The following ANKRD6 variants were observed in gnomAD, a reference collection of about 807,000 sequenced individuals.
ANKRD6 encodes ankyrin repeat domain 6, also known as ankyrin repeat domain-containing protein 6.
Under a neutral mutation model 82.3 loss-of-function variants are expected in ANKRD6, and 56 were observed. That is an observed-to-expected ratio of 0.68 (90% CI 0.55 to 0.85). The LOEUF (loss-of-function observed/expected upper bound fraction) is 0.85. Among genes scored for constraint, ANKRD6 ranks in the 40% least tolerant of loss-of-function variants. ANKRD6 has a pLI of 0.00. For synonymous variants in ANKRD6, 347 were observed against 352.1 expected, an observed-to-expected ratio of 0.99 and a Z score of 0.16; for missense variants, 852 against 907.6, an observed-to-expected ratio of 0.94 and a Z score of 0.79.
rs542476850 is a variant in ANKRD6, at chr6:89,605,898, T to C, written c.319-109T>C. 89 of 675,704 alleles carry C rather than the reference T, an allele frequency of 1.3e-4. No homozygotes were observed. The East Asian group carries it at 2.2e-3, about 17-fold the overall frequency. The allele number at this position is 675,704 out of a possible 1,614,324, so 41.9% of individuals were successfully genotyped here. On this transcript the variant is annotated intron_variant, in intron 4 of 15. Transcript: ENST00000339746. The stretch of plus-strand genomic sequence containing the variant: ...TGTGGCTCAGATGAGAAAGTCCAAT[T>C]GAGAAAGGCCGTCTGGTGTTCCGTA...
intron 1 of ANKRD6, among the ~76,000 whole-genome samples, chr6:89,532,706 T>C (rs530650110): frequency 6.6e-6 from 1 of 152,222 alleles, no homozygotes; most frequent in South Asian, 2.1e-4. Context: ...TTGATTTTTT[T>C]TTCTTTTTTT....
intron 9 of ANKRD6, among the ~76,000 whole-genome samples, chr6:89,620,747 G>A (rs1563111287): frequency 4.6e-5 from 7 of 152,036 alleles, no homozygotes; most frequent in African/African-American, 1.4e-4. Context: ...ACGACTCCCC[G>A]TTTTTCTTTC....
intron 1 of ANKRD6, among the ~76,000 whole-genome samples, chr6:89,508,280 T>C (rs1442476253): frequency 2.6e-5 from 4 of 152,184 alleles, no homozygotes; most frequent in Non-Finnish European, 5.9e-5. Flanking sequence ...TGTGCTTTGA[T>C]TGAGCCTGGA....
intron 2 of ANKRD6, among the ~76,000 whole-genome samples, chr6:89,572,709 G>A (rs542325450): frequency 6.6e-6 from 1 of 152,190 alleles, no homozygotes; most frequent in South Asian, 2.1e-4. Flanking sequence ...TGTAAGGTAA[G>A]GGTCCATCTT....
At chr6:89,461,725 C>T (rs149083383) in intron 1 of ANKRD6, among the ~76,000 whole-genome samples, 2 of 152,132 alleles carry the variant, frequency 1.3e-5, no homozygotes, top group Non-Finnish European at 2.9e-5. Flanking sequence ...GAACTTCATA[C>T]GGCTGCAGAA....
intron 1 of ANKRD6, among the ~76,000 whole-genome samples, chr6:89,443,392 A>G (rs1771669510): frequency 6.6e-6 from 1 of 152,180 alleles, no homozygotes; most frequent in Non-Finnish European, 1.5e-5. Context: ...TACTCCATAG[A>G]TTCTAATTCA....
At chr6:89,570,213 T>C (rs1789520394) in intron 2 of ANKRD6, among the ~76,000 whole-genome samples, 1 of 152,010 alleles carries the variant, frequency 6.6e-6, no homozygotes, top group South Asian at 2.1e-4. Context: ...CCTGTGTAGC[T>C]GGGACTACAG....
chr6:89,540,351 G>C (rs574406598), intron 1 of ANKRD6, among the ~76,000 whole-genome samples: 1 of 152,006 alleles, frequency 6.6e-6, no homozygotes, highest in Admixed American at 6.6e-5. Context: ...ATGATATCTC[G>C]TAGTTTTGGT....
rs1439962073 is a variant in ANKRD6 at position 89,631,767 on chromosome 6, C to T, written c.*763C>T. 2 of 152,136 alleles carry T rather than the reference C, an allele frequency of 1.3e-5. No individual in the cohort carries two copies. Among genetic ancestry groups the T allele is most frequent in the Non-Finnish European group, 2.9e-5 (2 of 68,034 alleles). 9.4% of individuals were successfully genotyped at this position (152,136 alleles called of 1,614,324 possible). On this transcript the variant is annotated 3_prime_UTR_variant, in exon 16 of 16. Transcript: ENST00000339746. ...TAAAGCAGATTAATGGAAAAAAATT[C>T]ATGTAACAATTACCTGAAAATTTAT... is the stretch of plus-strand genomic sequence containing the variant.
At chr6:89,588,573 G>T (rs1297684072) in intron 2 of ANKRD6, among the ~76,000 whole-genome samples, 1 of 152,196 alleles carries the variant, frequency 6.6e-6, no homozygotes, top group Non-Finnish European at 1.5e-5. Context: ...CCCCAGTAGA[G>T]ATGGTTAAAT....
chr6:89,475,400 T>C (rs1398132545), intron 1 of ANKRD6, among the ~76,000 whole-genome samples: 1 of 152,216 alleles, frequency 6.6e-6, no homozygotes, highest in African/African-American at 2.4e-5. Context: ...AGTTAGGAGG[T>C]AAACAGAAAA....
chr6:89,627,745 C>G (rs1319256021), intron 14 of ANKRD6, 49 bp downstream of exon 14: 10 of 1,559,926 alleles, frequency 6.4e-6, no homozygotes, highest in Non-Finnish European at 8.8e-6. Flanking sequence ...ACCACACAGG[C>G]CCACTGAGCT....
chr6:89,441,845 T>G (rs566229728), intron 1 of ANKRD6, among the ~76,000 whole-genome samples: 5 of 135,536 alleles, frequency 3.7e-5, no homozygotes, highest in African/African-American at 1.3e-4. Context: ...TTGGTCAGGC[T>G]GGTCTTGAAC....
intron 1 of ANKRD6, among the ~76,000 whole-genome samples, chr6:89,493,832 T>C (rs990269438): frequency 4.6e-5 from 7 of 152,152 alleles, no homozygotes; most frequent in African/African-American, 1.7e-4. Flanking sequence ...TTATATAAGG[T>C]GATATCCACT....
intron 1 of ANKRD6, among the ~76,000 whole-genome samples, chr6:89,463,733 T>G (rs759980904): frequency 1.2e-4 from 19 of 152,220 alleles, no homozygotes; most frequent in Middle Eastern, 6.8e-3. Context: ...GTATTTTTAG[T>G]AGAGATGGGG....
At chr6:89,526,509 C>T (rs915621506) in intron 1 of ANKRD6, among the ~76,000 whole-genome samples, 1 of 152,140 alleles carries the variant, frequency 6.6e-6, no homozygotes, top group Admixed American at 6.6e-5. Context: ...GAGAGAGTAC[C>T]TAGTGGAATT....
intron 1 of ANKRD6, among the ~76,000 whole-genome samples, chr6:89,461,565 T>G (rs1268131368): frequency 2.6e-5 from 4 of 152,204 alleles, no homozygotes; most frequent in African/African-American, 9.7e-5. Context: ...TTTTTAGCAG[T>G]TCACATTCAC....
At chr6:89,490,043 C>G (rs925617364) in intron 1 of ANKRD6, among the ~76,000 whole-genome samples, 1 of 152,192 alleles carries the variant, frequency 6.6e-6, no homozygotes, top group Non-Finnish European at 1.5e-5. Flanking sequence ...GTATGCTACC[C>G]AAGAGTCACC....
rs1280415915 is a variant in ANKRD6, at chr6:89,460,920, A to G, written c.-144+27545A>G. On this transcript the variant is annotated intron_variant, in intron 1 of 15. Transcript: ENST00000339746. ...GGTGTTTTGGAATTCTTTTTTTTTG[A>G]GACCGAGTCTCCCTCTGTCATCGAG... is the stretch of plus-strand genomic sequence containing the variant. Among the ~76,000 whole-genome samples the G allele has an allele frequency of 1.1e-4, 5 of 47,544 alleles. No individual in the cohort carries two copies. In the Admixed American group the frequency reaches 1.3e-3, roughly 12 times the overall value. The allele number at this position is 47,544 out of a possible 152,430, so 31.2% of individuals were successfully genotyped here. A position where few individuals can be genotyped will look rare whatever the true frequency, so the allele number is the denominator to read the frequency against.
Sources: allele counts gnomAD v4.1 joint callset (sites outside exome capture counted in the v4.1 genomes callset), GRCh38; gene constraint gnomAD v4.1.1; transcripts MANE v1.5; gene names NCBI Gene and HGNC (gene_info 2026-07-23, HGNC 2026-07-21).